Variants in CEP85 observed in about 807,000 individuals in gnomAD.
The protein encoded by CEP85 is centrosomal protein of 85 kDa.
Under a neutral mutation model 93.7 loss-of-function variants are expected in CEP85, and 58 were observed. The ratio of observed to expected loss-of-function variants is 0.62; its 90% confidence interval spans 0.50 to 0.77. The LOEUF (loss-of-function observed/expected upper bound fraction) is 0.77, where lower values mean the gene tolerates loss of function less well. Among genes scored for constraint, CEP85 ranks in the 30% least tolerant of loss-of-function variants. CEP85 has a pLI of 0.00. For synonymous variants in CEP85, 314 were observed against 338.6 expected (o/e 0.93, Z 0.80); for missense variants, 868 against 922.0 (o/e 0.94, Z 0.76).
chr1:26,266,610 A>G (rs2089898753), intron 7 of CEP85, among the ~76,000 whole-genome samples: 2 of 152,234 alleles, frequency 1.3e-5, no homozygotes, highest in Non-Finnish European at 2.9e-5. Flanking sequence ...TGGACCTAGG[A>G]TAAGCTTTTG....
intron 9 of CEP85, 100 bp from the exon 10 acceptor site, chr1:26,270,914 C>T: frequency 1.4e-6 from 1 of 735,436 alleles, no homozygotes; most frequent in South Asian, 1.6e-5. Context: ...ACTGCTTGGA[C>T]TAAGTGTCTT....
At chr1:26,266,078 G>A (rs988885438) in intron 7 of CEP85, among the ~76,000 whole-genome samples, 1 of 151,956 alleles carries the variant, frequency 6.6e-6, no homozygotes, top group Non-Finnish European at 1.5e-5. Flanking sequence ...GCGTGGTGGT[G>A]GACACCTGTA....
At chr1:26,236,716 C>G (rs896464672) in intron 1 of CEP85, among the ~76,000 whole-genome samples, 1 of 152,242 alleles carries the variant, frequency 6.6e-6, no homozygotes, top group Non-Finnish European at 1.5e-5. Flanking sequence ...GCCCCTGACA[C>G]AGCCCTCAGG....
chr1:26,275,570 C>T (rs977525348), intron 12 of CEP85, among the ~76,000 whole-genome samples: 5 of 152,184 alleles, frequency 3.3e-5, no homozygotes, highest in South Asian at 2.1e-4. Flanking sequence ...TGAGCCACTG[C>T]GCTGGGCCCA....
chr1:26,263,249 CT>C, intron 7 of CEP85: 2 of 327,154 alleles, frequency 6.1e-6, no homozygotes, highest in Non-Finnish European at 5.9e-6. Context: ...TGACGAAGAT[CT>C]TATAAGGAAG....
chr1:26,252,310 A>T (rs547696418), intron 3 of CEP85, among the ~76,000 whole-genome samples: 29 of 152,158 alleles, frequency 1.9e-4, no homozygotes, highest in African/African-American at 7.0e-4. Flanking sequence ...AGGCGGGCGG[A>T]TCACCTGAGG....
At position 26,278,428 on chromosome 1, in the gene CEP85, G is replaced by A. The variant is rs934372860; in HGVS notation, c.*1135G>A. On this transcript the variant is annotated 3_prime_UTR_variant, in exon 14 of 14. Transcript: ENST00000451429. ...CTCCTCTAGATCTGGAGCCAGGCCA[G>A]GCAGGGGCCACGTGTGGGCCAGTCA... 1.3e-5 allele frequency: 2 copies of A among 152,682 alleles called. No homozygotes were observed. The highest frequency in any genetic ancestry group is 4.8e-5 in the African/African-American group (2 of 41,458). The allele number at this position is 152,682 out of a possible 1,614,324, so 9.5% of individuals were successfully genotyped here. A position where few individuals can be genotyped will look rare whatever the true frequency, so the allele number is the denominator to read the frequency against.
At chr1:26,245,321 C>A (rs1402175084) in intron 3 of CEP85, among the ~76,000 whole-genome samples, 3 of 152,106 alleles carry the variant, frequency 2.0e-5, no homozygotes, top group Non-Finnish European at 2.9e-5. Flanking sequence ...CAGGCTGGAA[C>A]CACCATACCC....
intron 11 of CEP85, chr1:26,272,396 T>A: frequency 3.1e-6 from 1 of 320,202 alleles, no homozygotes; most frequent in Non-Finnish European, 5.9e-6. Flanking sequence ...AGGAGCTGGA[T>A]AGGATGTGTT....
At chr1:26,243,669 T>C (rs2089462512) in intron 2 of CEP85, among the ~76,000 whole-genome samples, 1 of 152,082 alleles carries the variant, frequency 6.6e-6, no homozygotes, top group Non-Finnish European at 1.5e-5. Context: ...TTAACATCTT[T>C]GAATATTCTC....
Position 26,255,574 on chromosome 1 carries a change from A to C in CEP85, c.612A>C (p.Arg204=). The change falls in exon 4 of 14, where the codon CGA becomes CGC. Residue 204 remains arginine, a synonymous_variant. Transcript: ENST00000451429. Reference sequence around the variant, plus strand: ...CACTTTATTCAGATCCTCACCACCGAGTCCGCTTCCACAACCCAAGAACCA... The same window carrying C: ...CACTTTATTCAGATCCTCACCACCGCGTCCGCTTCCACAACCCAAGAACCA... ...METLYSDPHH[R]VRFHNPRTST... The C allele has an allele frequency of 6.2e-7, 1 of 1,614,160 alleles. No individual in the cohort carries two copies.
intron 7 of CEP85, among the ~76,000 whole-genome samples, chr1:26,262,814 T>G (rs913563330): frequency 6.6e-6 from 1 of 152,230 alleles, no homozygotes; most frequent in African/African-American, 2.4e-5. Context: ...TCTTCTCACT[T>G]CAATTTCCAC....
chr1:26,235,066 G>T (rs2089303504), intron 1 of CEP85, among the ~76,000 whole-genome samples: 1 of 152,216 alleles, frequency 6.6e-6, no homozygotes, highest in Non-Finnish European at 1.5e-5. Flanking sequence ...AGGAGCTGGT[G>T]CTTTGGTTGA....
chr1:26,273,867 A>G (rs913023870), intron 11 of CEP85, among the ~76,000 whole-genome samples: 6 of 151,806 alleles, frequency 4.0e-5, no homozygotes, highest in Non-Finnish European at 7.4e-5. Context: ...ACTGCACTCC[A>G]GCCAGTCTGG....
chr1:26,250,925 C>CCTTTTTTTTTTTTTTTTTTT (rs2089598435), intron 3 of CEP85, among the ~76,000 whole-genome samples: 7 of 55,160 alleles, frequency 1.3e-4, no homozygotes, highest in African/African-American at 4.1e-4. Flanking sequence ...TTTTTTTTTT[C>CCTTTTTTTTTTTTTTTTTTT]TTTTTTCTTT....
In CEP85 at chr1:26,268,557, G is replaced by A. The variant is rs1255748033; in HGVS notation, c.1416G>A (p.Lys472=). 6.2e-7 allele frequency: 1 copy of A among 1,614,004 alleles called. No homozygotes were observed. Among genetic ancestry groups the A allele is most frequent in the African/African-American group, 1.3e-5 (1 of 74,930 alleles). The stretch of plus-strand genomic sequence containing the variant: ...AGGAATCAGAGCAGAACCGGGAGAA[G>A]CAGCAGCGTATTGAGACCTTGGAGC... ...CQKESEQNRE[K]QQRIETLERY... is the part of the protein sequence containing the mutation. The change falls in exon 8 of 14, where the codon AAG becomes AAA. Residue 472 remains lysine, a synonymous_variant. Coordinates refer to ENST00000451429, the MANE Select transcript of CEP85 (RefSeq NM_001319944.2).
At chr1:26,256,196 C>G (rs968967264) in intron 4 of CEP85, among the ~76,000 whole-genome samples, 1 of 152,200 alleles carries the variant, frequency 6.6e-6, no homozygotes, top group African/African-American at 2.4e-5. Flanking sequence ...TTACCAGGTT[C>G]TTAGACTACA....
At chr1:26,246,761 T>C (rs76430253) in intron 3 of CEP85, among the ~76,000 whole-genome samples, 3 of 152,080 alleles carry the variant, frequency 2.0e-5, no homozygotes, top group Non-Finnish European at 4.4e-5. Context: ...ACTAAGACTG[T>C]ATTTTCAGGG....
At chr1:26,248,934 G>A (rs1449518242) in intron 3 of CEP85, among the ~76,000 whole-genome samples, 1 of 151,924 alleles carries the variant, frequency 6.6e-6, no homozygotes, top group African/African-American at 2.4e-5. Context: ...CACCGTGTTA[G>A]CCAGAATGGT....
Sources: allele counts gnomAD v4.1 joint callset (sites outside exome capture counted in the v4.1 genomes callset), GRCh38; gene constraint gnomAD v4.1.1; transcripts MANE v1.5; gene names NCBI Gene and HGNC (gene_info 2026-07-23, HGNC 2026-07-21).